The following TRIM38 variants were observed in gnomAD, a reference collection of about 807,000 sequenced individuals.
TRIM38 encodes tripartite motif containing 38, also known as E3 ubiquitin-protein ligase TRIM38.
TRIM38 carries 35 observed loss-of-function variants against 35.8 expected under a neutral mutation model. The observed-to-expected ratio is 0.98, with a 90% CI of 0.75 to 1.30. The LOEUF is 1.30. Ranked by LOEUF, TRIM38 falls within the 50% of genes most tolerant of loss-of-function variation. TRIM38 has a pLI of 0.00. For missense variants in TRIM38, 545 were observed against 556.9 expected, an observed-to-expected ratio of 0.98 and a Z score of 0.21; for synonymous variants, 198 against 204.7, an observed-to-expected ratio of 0.97 and a Z score of 0.28.
chr6:25,973,785 G>C, intron 7 of TRIM38: 1 of 985,416 alleles, frequency 1.0e-6, no homozygotes, highest in Non-Finnish European at 1.2e-6. Context: ...ACTTGACTTA[G>C]ATAACACAGA....
chr6:25,983,550 G>T lies in TRIM38; in HGVS notation c.1261G>T (p.Gly421Ter). The change falls in exon 8 of 8, where the codon GGA (glycine) becomes TGA (stop). Residue 421 changes from glycine to a stop codon, truncating the protein, a stop_gained. Coordinates refer to ENST00000357085, the MANE Select transcript of TRIM38 (RefSeq NM_006355.5). LOFTEE classifies it low-confidence loss of function (END_TRUNC). ...LVGIFLDYEA[G>*]VVSFYNGNTG... ...GGGAATTTTTCTGGACTATGAGGCC[G>T]GAGTTGTATCCTTTTATAACGGGAA... The T allele has an allele frequency of 6.2e-7, 1 of 1,614,020 alleles. No individual in the cohort carries two copies. Among genetic ancestry groups the T allele is most frequent in the Non-Finnish European group, 8.5e-7 (1 of 1,180,016 alleles).
rs72834607 is a variant in TRIM38 at position 25,980,910 on chromosome 6, G to A, written c.875-2254G>A. On this transcript the variant is annotated intron_variant, in intron 7 of 7. Transcript: ENST00000357085. ...TTCTCTTAAGTGGTATTACCACCCC[G>A]TAAACATTTTAATTTCTCAACATGG... is the stretch of plus-strand genomic sequence containing the variant. 6.6e-5 allele frequency among the ~76,000 whole-genome samples: 10 copies of A among 152,224 alleles called. No individual in the cohort carries two copies. The East Asian group carries it at 1.3e-3, about 21-fold the overall frequency.
intron 7 of TRIM38, among the ~76,000 whole-genome samples, chr6:25,977,901 C>A (rs565187978): frequency 6.6e-6 from 1 of 151,964 alleles, no homozygotes; most frequent in African/African-American, 2.4e-5. Flanking sequence ...TCATTGGAGA[C>A]CTTCTTTTCC....
chr6:25,989,808 A>G lies in TRIM38; in HGVS notation c.*6121A>G, dbSNP rs920558159. 1 of 152,028 alleles carries G rather than the reference A, an allele frequency of 6.6e-6. No individual in the cohort carries two copies. Among genetic ancestry groups the G allele is most frequent in the Non-Finnish European group, 1.5e-5 (1 of 68,024 alleles). 9.4% of individuals were successfully genotyped at this position (152,028 alleles called of 1,614,324 possible). ...TATAAATATGGTTTTCTTTTTTTAA[A>G]TAAAAATTTAAGACATTTTATAACT... is the stretch of plus-strand genomic sequence containing the variant. On this transcript the variant is annotated 3_prime_UTR_variant, in exon 8 of 8. Coordinates refer to ENST00000357085, the MANE Select transcript of TRIM38 (RefSeq NM_006355.5).
rs150089654 is a variant in TRIM38 at position 25,973,959 on chromosome 6, T to C, written c.874+674T>C. 51 of 799,244 alleles carry C rather than the reference T, an allele frequency of 6.4e-5. 1 individual carries two copies. The highest frequency in any genetic ancestry group is 1.3e-3 in the Middle Eastern group (2 of 1,560). The allele number at this position is 799,244 out of a possible 1,614,324, so 49.5% of individuals were successfully genotyped here. On this transcript the variant is annotated intron_variant, in intron 7 of 7. Coordinates refer to ENST00000357085, the MANE Select transcript of TRIM38 (RefSeq NM_006355.5). ...CTGAAAATGGAAAGTTTTATCATGATTCATTTGGCTACAAAAATCTGGCCT... is the reference window on the plus strand; with the variant it reads ...CTGAAAATGGAAAGTTTTATCATGACTCATTTGGCTACAAAAATCTGGCCT...
chr6:25,973,079 A>AAGTCCTGTT lies in TRIM38; in HGVS notation c.761+4_761+12dup. On this transcript the variant is annotated splice_donor_region_variant and intron_variant, in intron 6 of 7. Coordinates refer to ENST00000357085, the MANE Select transcript of TRIM38 (RefSeq NM_006355.5). ...AATGTGAATGACACTTTGAGCAGGT[A>AAGTCCTGTT]AGTCCTGTTTGAATGCAGGAGGGGA... 3.1e-6 allele frequency: 5 copies of AAGTCCTGTT among 1,614,170 alleles called. No individual in the cohort carries two copies. Among genetic ancestry groups the AAGTCCTGTT allele is most frequent in the Non-Finnish European group, 4.2e-6 (5 of 1,180,016 alleles).
chr6:25,973,583 A>G, intron 7 of TRIM38: 2 of 975,048 alleles, frequency 2.1e-6, no homozygotes, highest in Non-Finnish European at 2.4e-6. Flanking sequence ...CTCCTACTTC[A>G]TTGAGTTATC....
intron 2 of TRIM38, among the ~76,000 whole-genome samples, chr6:25,963,914 A>AAACAACAAC (rs55782472): frequency 1.0e-3 from 153 of 151,064 alleles, no homozygotes; most frequent in African/African-American, 2.6e-3. Context: ...CTGAAAGCAA[A>AAACAACAAC]AACAACAACA....
In TRIM38 at chr6:25,983,832, T is replaced by A. The variant is rs1760640226; in HGVS notation, c.*145T>A. On this transcript the variant is annotated 3_prime_UTR_variant, in exon 8 of 8. Transcript: ENST00000357085. ...AGATTTTAGTGGATATATAATTGAT[T>A]TATGTTGAATATATGGACTTAGCAA... The A allele has an allele frequency of 1.4e-6, 1 of 729,698 alleles. No homozygotes were observed. Among genetic ancestry groups the A allele is most frequent in the Non-Finnish European group, 2.1e-6 (1 of 467,784 alleles). The allele number at this position is 729,698 out of a possible 1,614,324, so 45.2% of individuals were successfully genotyped here.
rs533329323 is a variant in TRIM38 at position 25,983,213 on chromosome 6, T to C, written c.924T>C (p.Ser308=). Residue 308 remains serine, a synonymous_variant, in exon 8 of 8, where the codon TCT becomes TCC. Transcript: ENST00000357085. ...CAGCTCATCACGAACTAATTCTCTC[T>C]GAGGATCGGAGACAAGTGACTCGTG... The part of the protein sequence containing the change: ...PDTAHHELIL[S]EDRRQVTRGY... 4.4e-4 allele frequency: 705 copies of C among 1,612,672 alleles called. 6 individuals carry two copies. In the South Asian group the frequency reaches 7.0e-3, roughly 16 times the overall value.
chr6:25,980,415 C>G (rs1760511278), intron 7 of TRIM38, among the ~76,000 whole-genome samples: 1 of 150,678 alleles, frequency 6.6e-6, no homozygotes, highest in African/African-American at 2.4e-5. Flanking sequence ...TGACTCCTTT[C>G]ATTCTTTCTT....
In TRIM38 at chr6:25,987,315, A is replaced by ACAATTTATCTCT. The variant is rs1481644955; in HGVS notation, c.*3631_*3642dup. ...CACAGCCTGAGTGACTTAAACAACG[A>ACAATTTATCTCT]CAATTTATCTCTCACTGTTCTGAGG... On this transcript the variant is annotated 3_prime_UTR_variant, in exon 8 of 8. Transcript: ENST00000357085. 6.6e-5 allele frequency: 10 copies of ACAATTTATCTCT among 151,746 alleles called. No homozygotes were observed. Among genetic ancestry groups the ACAATTTATCTCT allele is most frequent in the African/African-American group, 1.9e-4 (8 of 41,262 alleles). The allele number at this position is 151,746 out of a possible 1,614,324, so 9.4% of individuals were successfully genotyped here.
In TRIM38 at chr6:25,983,196, C is replaced by T; in HGVS notation, c.907C>T (p.His303Tyr). ...GACTCTGGATCCAGATACAGCTCAT[C>T]ACGAACTAATTCTCTCTGAGGATCG... ...SVTLDPDTAH[H>Y]ELILSEDRRQ... Residue 303 changes from histidine to tyrosine, a missense_variant, in exon 8 of 8, where the codon CAC becomes TAC. Physicochemically the swap from His to Tyr is moderately conservative, Grantham distance 83. Transcript: ENST00000357085. The T allele has an allele frequency of 6.2e-7, 1 of 1,607,990 alleles. No individual in the cohort carries two copies. The highest frequency in any genetic ancestry group is 8.5e-7 in the Non-Finnish European group (1 of 1,177,062).
chr6:25,978,791 C>G (rs1203786699), intron 7 of TRIM38, among the ~76,000 whole-genome samples: 2 of 152,150 alleles, frequency 1.3e-5, no homozygotes, highest in Non-Finnish European at 2.9e-5. Flanking sequence ...CTCAGCTTCC[C>G]GAGTAGCTGG....
In TRIM38 at chr6:25,983,398, G is replaced by T; in HGVS notation, c.1109G>T (p.Arg370Met). 6.2e-7 allele frequency: 1 copy of T among 1,614,166 alleles called. No individual in the cohort carries two copies. The highest frequency in any genetic ancestry group is 2.2e-5 in the East Asian group (1 of 44,870). ...GGAGTTTGTATGGAAAATGTGCAGA[G>T]GGGCACTGGCATGAAGCAAGAGCCT... The part of the protein sequence containing the change: ...DLGVCMENVQ[R>M]GTGMKQEPQS... The change falls in exon 8 of 8, where the codon AGG (arginine) becomes ATG (methionine). Residue 370 changes from arginine (R) to methionine (M), a missense_variant. Physicochemically the swap from Arg to Met is moderately conservative, Grantham distance 91. Coordinates refer to ENST00000357085, the MANE Select transcript of TRIM38 (RefSeq NM_006355.5).
chr6:25,970,390 G>A (rs1760196802), intron 4 of TRIM38, among the ~76,000 whole-genome samples: 1 of 151,966 alleles, frequency 6.6e-6, no homozygotes, highest in Non-Finnish European at 1.5e-5. Flanking sequence ...TAAAGTAAAG[G>A]CAAAAACCAC....
rs1252560616 is a variant in TRIM38 at position 25,985,930 on chromosome 6, GA to G, written c.*2245del. 1 of 152,064 alleles carries G rather than the reference GA, an allele frequency of 6.6e-6. No homozygotes were observed. The highest frequency in any genetic ancestry group is 1.5e-5 in the Non-Finnish European group (1 of 67,996). The allele number at this position is 152,064 out of a possible 1,614,324, so 9.4% of individuals were successfully genotyped here. ...CAATTAAATAAAAGTTTTAAAAAAT[GA>G]ATAAAATAAACCTGTGGAAACTATA... On this transcript the variant is annotated 3_prime_UTR_variant, in exon 8 of 8. Coordinates refer to ENST00000357085, the MANE Select transcript of TRIM38 (RefSeq NM_006355.5).
rs1242423579 is a variant in TRIM38, at chr6:25,987,816, C to T, written c.*4129C>T. On this transcript the variant is annotated 3_prime_UTR_variant, in exon 8 of 8. Coordinates refer to ENST00000357085, the MANE Select transcript of TRIM38 (RefSeq NM_006355.5). ...ATAGTATCACAGAAGTTTCACTGCCCTAAAAATCCTGTGTTCTGCCTTTTC... is the reference window on the plus strand; with the variant it reads ...ATAGTATCACAGAAGTTTCACTGCCTTAAAAATCCTGTGTTCTGCCTTTTC... The T allele has an allele frequency of 2.0e-5, 3 of 152,170 alleles. No individual in the cohort carries two copies. The highest frequency in any genetic ancestry group is 2.0e-4 in the Admixed American group (3 of 15,282). The allele number at this position is 152,170 out of a possible 1,614,324, so 9.4% of individuals were successfully genotyped here.
intron 7 of TRIM38, among the ~76,000 whole-genome samples, chr6:25,980,160 T>C (rs1174949703): frequency 1.3e-5 from 2 of 152,214 alleles, no homozygotes; most frequent in Admixed American, 6.5e-5. Flanking sequence ...GCTTTATGTA[T>C]TGACTATGAG....
Sources: allele counts gnomAD v4.1 joint callset (sites outside exome capture counted in the v4.1 genomes callset), GRCh38; gene constraint gnomAD v4.1.1; transcripts MANE v1.5; gene names NCBI Gene and HGNC (gene_info 2026-07-23, HGNC 2026-07-21).